The following SLCO1A2 variants were observed in gnomAD, a reference collection of about 807,000 sequenced individuals.
SLCO1A2 encodes the protein OATP-1.
Under a neutral mutation model 69.0 loss-of-function variants are expected in SLCO1A2, and 67 were observed. The ratio of observed to expected loss-of-function variants is 0.97; its 90% CI spans 0.80 to 1.19. SLCO1A2 has a LOEUF of 1.19. Ranked by LOEUF, SLCO1A2 falls within the 50% of genes most tolerant of loss-of-function variation. The pLI, the probability that SLCO1A2 is intolerant of heterozygous loss-of-function variation, is 0.00. For synonymous variants in SLCO1A2, 260 were observed against 265.9 expected (o/e 0.98, Z 0.22); for missense variants, 787 against 793.7 (o/e 0.99, Z 0.10).
chr12:21,309,560 C>T (rs890939557), intron 4 of SLCO1A2, among the ~76,000 whole-genome samples: 3 of 152,068 alleles, frequency 2.0e-5, no homozygotes, highest in Admixed American at 6.6e-5. Context: ...AAAATATTTC[C>T]AATCTAGAAT....
At chr12:21,314,346 T>A (rs1950598309) in intron 4 of SLCO1A2, among the ~76,000 whole-genome samples, 2 of 152,302 alleles carry the variant, frequency 1.3e-5, no homozygotes, top group African/African-American at 4.8e-5. Context: ...ATCCCCATTG[T>A]GTAAATTGAC....
chr12:21,386,284 AC>A (rs1158481856), intron 1 of SLCO1A2, among the ~76,000 whole-genome samples: 2 of 152,224 alleles, frequency 1.3e-5, no homozygotes, highest in Non-Finnish European at 2.9e-5. Flanking sequence ...TATTAAAAAA[AC>A]AATATCTGCC....
intron 1 of SLCO1A2, among the ~76,000 whole-genome samples, chr12:21,375,497 ATT>A (rs1388523423): frequency 6.6e-6 from 1 of 152,212 alleles, no homozygotes; most frequent in African/African-American, 2.4e-5. Context: ...CTCATTTGAG[ATT>A]TTTTCAATTT....
At chr12:21,388,021 C>T (rs12809573) in intron 1 of SLCO1A2, among the ~76,000 whole-genome samples, 64,167 of 152,022 alleles carry the variant, frequency 0.42, 13,742 homozygotes, top group Middle Eastern at 0.53. Flanking sequence ...GGATTTTAGA[C>T]TTATGTTGGG....
chr12:21,337,933 C>T (rs1952944651), upstream of SLCO1A2, among the ~76,000 whole-genome samples: 1 of 151,920 alleles, frequency 6.6e-6, no homozygotes, highest in South Asian at 2.1e-4. Flanking sequence ...TTTCACCATG[C>T]AAAGCAAAGA....
intron 2 of SLCO1A2, among the ~76,000 whole-genome samples, chr12:21,344,682 A>C (rs1464895321): frequency 6.6e-6 from 1 of 151,812 alleles, no homozygotes; most frequent in Non-Finnish European, 1.5e-5. Context: ...AATTATATGC[A>C]TAAGAGAAAG....
chr12:21,412,462 A>G (rs1941923008), intron 1 of SLCO1A2, among the ~76,000 whole-genome samples: 1 of 152,178 alleles, frequency 6.6e-6, no homozygotes, highest in Admixed American at 6.5e-5. Flanking sequence ...AGTTACTTTG[A>G]ATGTTTATCA....
chr12:21,386,069 G>C (rs1477680810), intron 1 of SLCO1A2, among the ~76,000 whole-genome samples: 3 of 152,072 alleles, frequency 2.0e-5, no homozygotes, highest in Admixed American at 1.3e-4. Context: ...CTTTCATATT[G>C]AAGTAAAATT....
At chr12:21,403,051 G>T (rs1176058053) in intron 1 of SLCO1A2, among the ~76,000 whole-genome samples, 1 of 152,096 alleles carries the variant, frequency 6.6e-6, no homozygotes, top group African/African-American at 2.4e-5. Flanking sequence ...TTGAACGATG[G>T]TTGTGGAAGA....
At position 21,344,639 on chromosome 12, in the gene SLCO1A2, T is replaced by C. The variant is rs1002135844; in HGVS notation, c.-62-9930A>G. ...CGTTTTAGGACTCTTCATATAATGC[T>C]GTGAATTTCTTATCTGAATGAATGC... On this transcript the variant is annotated intron_variant, in intron 2 of 15. Coordinates refer to the SLCO1A2 transcript ENST00000307378. Among the ~76,000 whole-genome samples the C allele has an allele frequency of 1.1e-4, 16 of 152,212 alleles. No homozygotes were observed. In the East Asian group the frequency reaches 3.1e-3, roughly 29 times the overall value.
intron 12 of SLCO1A2, among the ~76,000 whole-genome samples, chr12:21,287,230 C>T (rs1314340006): frequency 1.3e-5 from 2 of 148,974 alleles, no homozygotes; most frequent in East Asian, 4.2e-4. Flanking sequence ...CAAAAGAAGA[C>T]ATTTATGCAG....
intron 1 of SLCO1A2, among the ~76,000 whole-genome samples, chr12:21,385,898 C>G (rs115448258): frequency 0.01 from 1,541 of 152,224 alleles, 20 homozygotes; most frequent in African/African-American, 0.034. Context: ...TTTCCAGAAC[C>G]CCTCCTGCAG....
At position 21,352,911 on chromosome 12, in the gene SLCO1A2, T is replaced by G. The variant is rs369499893; in HGVS notation, c.-62-18202A>C. On this transcript the variant is annotated intron_variant, in intron 2 of 15. Coordinates refer to the SLCO1A2 transcript ENST00000307378. ...CAATTTACATTTAAAGTGAAACCAC[T>G]GATCTTCAAAGACACTTTTGGCACA... 2.0e-5 allele frequency among the ~76,000 whole-genome samples: 3 copies of G among 152,316 alleles called. No homozygotes were observed. The South Asian group carries it at 6.2e-4, about 32-fold the overall frequency.
At chr12:21,319,176 A>G (rs1366294725) in intron 2 of SLCO1A2, among the ~76,000 whole-genome samples, 3 of 152,252 alleles carry the variant, frequency 2.0e-5, no homozygotes, top group Non-Finnish European at 2.9e-5. Context: ...GTACATACAT[A>G]GAAACAAACA....
intron 3 of SLCO1A2, among the ~76,000 whole-genome samples, chr12:21,317,637 G>A (rs1303156178): frequency 6.6e-6 from 1 of 152,114 alleles, no homozygotes; most frequent in Non-Finnish European, 1.5e-5. Flanking sequence ...TCTCTCACTG[G>A]GATCAGCACA....
intron 2 of SLCO1A2, chr12:21,319,524 C>A (rs1591838638): frequency 7.8e-7 from 1 of 1,282,318 alleles, no homozygotes; most frequent in Non-Finnish European, 1.1e-6. Flanking sequence ...GCTCAGCAAT[C>A]CCAGTTGTGT....
chr12:21,325,953 G>C (rs538548167), intron 2 of SLCO1A2, among the ~76,000 whole-genome samples: 54 of 152,234 alleles, frequency 3.5e-4, no homozygotes, highest in African/African-American at 1.3e-3. Context: ...TTTACCATGT[G>C]ATATGGTTTG....
intron 1 of SLCO1A2, chr12:21,378,368 G>A: frequency 3.1e-6 from 5 of 1,614,126 alleles, no homozygotes; most frequent in Non-Finnish European, 2.5e-6. Flanking sequence ...AATACATATG[G>A]CAAGAGGAAT....
At chr12:21,371,239 C>T (rs1477816722) in intron 2 of SLCO1A2, among the ~76,000 whole-genome samples, 1 of 152,122 alleles carries the variant, frequency 6.6e-6, no homozygotes, top group Non-Finnish European at 1.5e-5. Flanking sequence ...GGGGGCGTGT[C>T]TTATGGAAAG....
Sources: allele counts gnomAD v4.1 joint callset (sites outside exome capture counted in the v4.1 genomes callset), GRCh38; gene constraint gnomAD v4.1.1; transcripts MANE v1.5; gene names NCBI Gene and HGNC (gene_info 2026-07-23, HGNC 2026-07-21).